The following PDXDC1 variants were observed in gnomAD, a reference collection of about 807,000 sequenced individuals.
The protein encoded by PDXDC1 is pyridoxal dependent decarboxylase domain containing 1, also known as pyridoxal-dependent decarboxylase domain-containing protein 1.
A neutral mutation model predicts 100.1 loss-of-function variants in PDXDC1; 42 were observed. The observed-to-expected ratio is 0.42, with a 90% CI of 0.33 to 0.54. PDXDC1 has a LOEUF of 0.54. Among genes scored for constraint, PDXDC1 ranks in the 20% least tolerant of loss-of-function variants. The pLI, the probability that PDXDC1 is intolerant of heterozygous loss-of-function variation, is 0.10. For synonymous variants in PDXDC1, 260 were observed against 371.7 expected (o/e 0.70, Z 3.46); for missense variants, 636 against 979.2 (o/e 0.65, Z 4.68).
intron 16 of PDXDC1, among the ~76,000 whole-genome samples, chr16:15,111,021 C>A (rs1258391033): frequency 1.3e-5 from 2 of 148,398 alleles, no homozygotes; most frequent in South Asian, 2.2e-4. Context: ...CCGAGCTACT[C>A]GGGAGGCTGA....
At chr16:15,012,061 A>G (rs571511503) in intron 8 of PDXDC1, among the ~76,000 whole-genome samples, 129 of 152,358 alleles carry the variant, frequency 8.5e-4, no homozygotes, top group Non-Finnish European at 3.5e-4. Context: ...TGTATCTAAA[A>G]TATATAAAGA....
At chr16:15,068,806 G>A (rs2045094773) in intron 16 of PDXDC1, among the ~76,000 whole-genome samples, 1 of 152,136 alleles carries the variant, frequency 6.6e-6, no homozygotes, top group South Asian at 2.1e-4. Flanking sequence ...CACTTTCTTA[G>A]ACTTAATGAA....
chr16:15,127,906 C>A lies in PDXDC1; in HGVS notation c.1400-10973C>A, dbSNP rs566898388. The A allele has an allele frequency of 8.7e-5, 126 of 1,453,162 alleles. No individual in the cohort carries two copies. In the African/African-American group the frequency reaches 1.7e-3, roughly 19 times the overall value. 90.0% of individuals were successfully genotyped at this position (1,453,162 alleles called of 1,614,324 possible). A position where few individuals can be genotyped will look rare whatever the true frequency, so the allele number is the denominator to read the frequency against. ...CAACAGGGCTGCGTGACCTAGAAGGCAGGGAGGGCCGCACTGCAGGAGGCC... is the reference window on the plus strand; with the variant it reads ...CAACAGGGCTGCGTGACCTAGAAGGAAGGGAGGGCCGCACTGCAGGAGGCC... On this transcript the variant is annotated intron_variant, in intron 16 of 16. Coordinates refer to the PDXDC1 transcript ENST00000535621.
intron 16 of PDXDC1, among the ~76,000 whole-genome samples, chr16:15,123,190 G>A (rs1212272864): frequency 6.6e-6 from 1 of 150,702 alleles, no homozygotes; most frequent in Non-Finnish European, 1.5e-5. Flanking sequence ...GCCTCACAAT[G>A]GACATTCCAA....
At chr16:15,030,115 C>T in intron 16 of PDXDC1, 59 bp downstream of exon 16, 1 of 1,434,860 alleles carries the variant, frequency 7.0e-7, no homozygotes, top group South Asian at 1.2e-5. Context: ...GGTAGATTAG[C>T]TTGCCCTTAT....
chr16:15,013,874 C>CAAAAAA (rs58185654), intron 8 of PDXDC1, among the ~76,000 whole-genome samples: 15 of 135,960 alleles, frequency 1.1e-4, no homozygotes, highest in African/African-American at 3.9e-4. Context: ...GTCTCTGTCT[C>CAAAAAA]AAAAAAAAAA....
chr16:15,074,244 T>C (rs1209703450), intron 16 of PDXDC1, among the ~76,000 whole-genome samples: 1 of 152,246 alleles, frequency 6.6e-6, no homozygotes, highest in East Asian at 1.9e-4. Flanking sequence ...GAGCTCATCT[T>C]AAATCTTAGC....
chr16:15,143,562 C>T (rs1402185057), downstream of PDXDC1, among the ~76,000 whole-genome samples: 8 of 152,212 alleles, frequency 5.3e-5, no homozygotes, highest in Non-Finnish European at 7.4e-5. Flanking sequence ...TGCCCTCCCC[C>T]TGGGCTCTGC....
intron 16 of PDXDC1, among the ~76,000 whole-genome samples, chr16:15,046,963 C>A (rs1337143846): frequency 5.3e-5 from 8 of 152,130 alleles, no homozygotes; most frequent in Non-Finnish European, 1.2e-4. Context: ...TCCACAGCCC[C>A]GCCTCACCAC....
At chr16:15,111,124 T>TCACACACACACACACACACA (rs200365846) in intron 16 of PDXDC1, among the ~76,000 whole-genome samples, 1 of 139,022 alleles carries the variant, frequency 7.2e-6, no homozygotes, top group East Asian at 2.1e-4. Flanking sequence ...TGAGACTCTG[T>TCACACACACACACACACACA]CACACACACA....
chr16:15,104,734 G>A (rs1416897223), intron 16 of PDXDC1: 15 of 1,597,222 alleles, frequency 9.4e-6, no homozygotes, highest in Admixed American at 5.0e-5. Flanking sequence ...GAAGAATGAC[G>A]ATGCTCCGCT....
intron 16 of PDXDC1, among the ~76,000 whole-genome samples, chr16:15,092,864 C>T (rs141501476): frequency 0.056 from 8,496 of 152,234 alleles, 389 homozygotes; most frequent in African/African-American, 0.12. Context: ...CTGGCCCCTG[C>T]CTACCTCTCT....
intron 16 of PDXDC1, chr16:15,047,824 G>A (rs1374430333): frequency 6.4e-7 from 1 of 1,567,176 alleles, no homozygotes; most frequent in East Asian, 2.2e-5. Context: ...GTCAGTTTAA[G>A]TAATGGTTTC....
At chr16:15,041,744 AAGCCAACGACAGGGAGGGACGGC>A, downstream of PDXDC1, 1 of 1,178,768 alleles carries the variant, frequency 8.5e-7, no homozygotes, top group Non-Finnish European at 1.3e-6. Flanking sequence ...ACTGCTGAGC[AAGCCAACGACAGGGAGGGACGGC>A]AGCCAACTGA....
In PDXDC1 at chr16:15,055,689, G is replaced by A. The variant is rs746953071; in HGVS notation, c.1399+25633G>A. 447 of 370,664 alleles carry A rather than the reference G, an allele frequency of 1.2e-3. 3 individuals are homozygous for A. The highest frequency in any genetic ancestry group is 2.5e-4 in the Non-Finnish European group (52 of 208,344). 23.0% of individuals were successfully genotyped at this position (370,664 alleles called of 1,614,324 possible). Reference sequence around the variant, plus strand: ...CCCCCGTCCCCTCCCTTGTCAGAGAGTGGCCTCCGGGGCAGCCCGCTGAAG... The same window carrying A: ...CCCCCGTCCCCTCCCTTGTCAGAGAATGGCCTCCGGGGCAGCCCGCTGAAG... On this transcript the variant is annotated intron_variant, in intron 16 of 16. Transcript: ENST00000535621.
chr16:15,019,871 G>A (rs2042046132), intron 12 of PDXDC1, among the ~76,000 whole-genome samples: 1 of 152,280 alleles, frequency 6.6e-6, no homozygotes, highest in African/African-American at 2.4e-5. Context: ...CCAGCACTTT[G>A]GGAGGCTGAA....
At chr16:15,041,521 C>CA, downstream of PDXDC1, 1 of 818,092 alleles carries the variant, frequency 1.2e-6, no homozygotes, top group Non-Finnish European at 2.2e-6. Context: ...GGTGGCCAAG[C>CA]AGTGACAGCA....
chr16:15,130,058 T>A, intron 16 of PDXDC1: 2 of 1,399,454 alleles, frequency 1.4e-6, no homozygotes, highest in Non-Finnish European at 2.0e-6. Context: ...GACGATGTAG[T>A]TTACATCCGC....
Position 15,021,562 on chromosome 16 carries a change from C to T in PDXDC1, c.1090-1142C>T, listed in dbSNP as rs542257545. Among the ~76,000 whole-genome samples, 8 of 152,366 alleles carry T rather than the reference C, an allele frequency of 5.3e-5. No homozygotes were observed. The South Asian group carries it at 1.2e-3, about 24-fold the overall frequency. Reference sequence around the variant, plus strand: ...CACTCGGGAGATTTTTTCAATATCCCGTGGCTATGGAGTGCGGGAGAATGA... The same window carrying T: ...CACTCGGGAGATTTTTTCAATATCCTGTGGCTATGGAGTGCGGGAGAATGA... On this transcript the variant is annotated intron_variant, in intron 12 of 22. Coordinates refer to ENST00000396410, the MANE Select transcript of PDXDC1 (RefSeq NM_015027.4).
Sources: allele counts gnomAD v4.1 joint callset (sites outside exome capture counted in the v4.1 genomes callset), GRCh38; gene constraint gnomAD v4.1.1; transcripts MANE v1.5; gene names NCBI Gene and HGNC (gene_info 2026-07-23, HGNC 2026-07-21).